The following LRRCC1 variants were observed in gnomAD, a reference collection of about 807,000 sequenced individuals.
LRRCC1 encodes leucine-rich repeat and coiled-coil domain-containing protein 1.
LRRCC1 carries 115 observed loss-of-function variants against 126.0 expected under a neutral mutation model. The observed-to-expected ratio is 0.91, with a 90% CI of 0.78 to 1.07. The LOEUF (loss-of-function observed/expected upper bound fraction) is 1.07, where lower values mean the gene tolerates loss of function less well. Ranked by LOEUF, LRRCC1 falls within the 50% of genes least tolerant of loss-of-function variation. The pLI is 0.00. For synonymous variants in LRRCC1, 400 were observed against 393.4 expected (o/e 1.02, Z -0.20); for missense variants, 1,172 against 1,175.7 (o/e 1.00, Z 0.05).
In LRRCC1 at chr8:85,109,786, T is replaced by C; in HGVS notation, c.296T>C (p.Ile99Thr). 6.4e-7 allele frequency: 1 copy of C among 1,562,662 alleles called. No homozygotes were observed. Among genetic ancestry groups the C allele is most frequent in the South Asian group, 1.2e-5 (1 of 85,208 alleles). Reference protein sequence around the residue: ...LCTLNLSCNLITKVEGLEELI... With the variant: ...LCTLNLSCNLTTKVEGLEELI... The stretch of plus-strand genomic sequence containing the variant: ...ACATTAAATTTGTCCTGCAATTTGA[T>C]TACAAAAGTAGAAGGTTTGTAAGTG... The change falls in exon 2 of 19, where the codon ATT (isoleucine) becomes ACT (threonine). Residue 99 changes from isoleucine (I) to threonine (T), a missense_variant. Physicochemically the swap from Ile to Thr is moderately conservative, Grantham distance 89. Coordinates refer to ENST00000360375, the MANE Select transcript of LRRCC1 (RefSeq NM_033402.5).
At chr8:85,139,674 TA>T (rs1197510143) in intron 17 of LRRCC1, among the ~76,000 whole-genome samples, 1 of 152,212 alleles carries the variant, frequency 6.6e-6, no homozygotes, top group Non-Finnish European at 1.5e-5. Flanking sequence ...TTAAAAAATA[TA>T]ACTAGACTTG....
At position 85,110,109 on chromosome 8, in the gene LRRCC1, T is replaced by A. The variant is rs770054377; in HGVS notation, c.311-6T>A. 2.3e-5 allele frequency: 26 copies of A among 1,150,890 alleles called. No individual in the cohort carries two copies. Among genetic ancestry groups the A allele is most frequent in the Non-Finnish European group, 3.1e-5 (25 of 803,670 alleles). The allele number at this position is 1,150,890 out of a possible 1,614,324, so 71.3% of individuals were successfully genotyped here. ...GGCTTTATTTTATTTTACTTTTTTT[T>A]TTTAGGACTTGAAGAACTAATTAAT... On this transcript the variant is annotated splice_polypyrimidine_tract_variant and splice_region_variant and intron_variant, in intron 2 of 18. Transcript: ENST00000360375.
In LRRCC1 at chr8:85,115,410, C is replaced by T. The variant is rs749900371; in HGVS notation, c.756C>T (p.Ile252=). The T allele has an allele frequency of 7.4e-6, 12 of 1,613,472 alleles. No individual in the cohort carries two copies. Among genetic ancestry groups the T allele is most frequent in the African/African-American group, 4.0e-5 (3 of 74,864 alleles). Residue 252 remains isoleucine (I), a synonymous_variant, in exon 6 of 19, where the codon ATC becomes ATT. Coordinates refer to ENST00000360375, the MANE Select transcript of LRRCC1 (RefSeq NM_033402.5). ...IDRMPVITAP[I]DELVPLEQFA... is the part of the protein sequence containing the mutation. ...GAATGCCAGTGATAACAGCACCTAT[C>T]GATGAGTTAGTTCCCTTGGAACAGT...
intron 4 of LRRCC1, among the ~76,000 whole-genome samples, chr8:85,114,606 C>T (rs1365434365): frequency 6.6e-6 from 1 of 151,962 alleles, no homozygotes; most frequent in Non-Finnish European, 1.5e-5. Flanking sequence ...TGATAGTTCA[C>T]CTGCTTTAAT....
chr8:85,135,547 A>G (rs900271547), intron 13 of LRRCC1, among the ~76,000 whole-genome samples: 1 of 152,138 alleles, frequency 6.6e-6, no homozygotes, highest in African/African-American at 2.4e-5. Context: ...TATTACAGGT[A>G]TAGTTTCTCT....
At chr8:85,112,859 C>A in intron 3 of LRRCC1, 73 bp from the exon 4 acceptor site, 2 of 1,125,708 alleles carry the variant, frequency 1.8e-6, no homozygotes, top group South Asian at 3.7e-5. Flanking sequence ...TATAACCTAT[C>A]TAGCAATTAT....
intron 18 of LRRCC1, among the ~76,000 whole-genome samples, chr8:85,141,734 C>T (rs1477942383): frequency 6.6e-6 from 1 of 152,120 alleles, no homozygotes; most frequent in East Asian, 1.9e-4. Flanking sequence ...AAAACTTGTA[C>T]ATTTGATTCT....
intron 12 of LRRCC1, among the ~76,000 whole-genome samples, chr8:85,133,471 C>T (rs147856731): frequency 8.5e-5 from 13 of 152,280 alleles, no homozygotes; most frequent in African/African-American, 2.9e-4. Context: ...CCAGCCTGGA[C>T]GTTTTGCAAG....
At chr8:85,125,689 A>AAAAAAAAAG (rs1809935807) in intron 8 of LRRCC1, among the ~76,000 whole-genome samples, 1 of 148,682 alleles carries the variant, frequency 6.7e-6, no homozygotes, top group Non-Finnish European at 1.5e-5. Flanking sequence ...AAAAAAAAAA[A>AAAAAAAAAG]GAGGTGTTCA....
At chr8:85,136,084 T>C in intron 14 of LRRCC1, 121 bp downstream of exon 14, 1 of 795,482 alleles carries the variant, frequency 1.3e-6, no homozygotes, top group South Asian at 3.9e-5. Flanking sequence ...TGACCCTTTA[T>C]CTGGAAGGAT....
intron 18 of LRRCC1, among the ~76,000 whole-genome samples, chr8:85,143,818 A>G (rs1003461612): frequency 6.6e-6 from 1 of 152,200 alleles, no homozygotes; most frequent in African/African-American, 2.4e-5. Flanking sequence ...AAGTAATATC[A>G]AAGGAAAGAG....
chr8:85,122,199 T>G (rs773198270), intron 6 of LRRCC1, among the ~76,000 whole-genome samples: 5 of 152,232 alleles, frequency 3.3e-5, no homozygotes, highest in African/African-American at 4.8e-5. Flanking sequence ...TGTCTCTCTT[T>G]GTTTACAGCA....
At chr8:85,125,158 T>C (rs1419987013) in intron 8 of LRRCC1, among the ~76,000 whole-genome samples, 1 of 152,230 alleles carries the variant, frequency 6.6e-6, no homozygotes, top group Non-Finnish European at 1.5e-5. Flanking sequence ...TGAAATCATT[T>C]GTTACATGCT....
chr8:85,124,024 C>T (rs1317040828), intron 7 of LRRCC1, among the ~76,000 whole-genome samples: 1 of 152,098 alleles, frequency 6.6e-6, no homozygotes, highest in Non-Finnish European at 1.5e-5. Flanking sequence ...AGCCTTTTCT[C>T]TCTTTGTAGG....
rs1406450179 is a variant in LRRCC1 at position 85,129,800 on chromosome 8, A to G, written c.1627-119A>G. 6 of 738,644 alleles carry G rather than the reference A, an allele frequency of 8.1e-6. No homozygotes were observed. In the South Asian group the frequency reaches 1.4e-4, roughly 18 times the overall value. The allele number at this position is 738,644 out of a possible 1,614,324, so 45.8% of individuals were successfully genotyped here. A position where few individuals can be genotyped will look rare whatever the true frequency, so the allele number is the denominator to read the frequency against. On this transcript the variant is annotated intron_variant, in intron 10 of 18. Coordinates refer to ENST00000360375, the MANE Select transcript of LRRCC1 (RefSeq NM_033402.5). Reference sequence around the variant, plus strand: ...GACTGTAACATCATTAATTTATTAAAGTTTGAAAATCAACTTAGTCACCGG... The same window carrying G: ...GACTGTAACATCATTAATTTATTAAGGTTTGAAAATCAACTTAGTCACCGG...
At chr8:85,140,946 A>G (rs1275934761) in intron 17 of LRRCC1, among the ~76,000 whole-genome samples, 1 of 152,022 alleles carries the variant, frequency 6.6e-6, no homozygotes, top group African/African-American at 2.4e-5. Context: ...ACATCCTGTA[A>G]TCTTAGTTAC....
At chr8:85,124,693 T>C in intron 7 of LRRCC1, 99 bp from the exon 8 acceptor site, 1 of 674,626 alleles carries the variant, frequency 1.5e-6, no homozygotes, top group Admixed American at 3.1e-5. Flanking sequence ...ATATTCTTTT[T>C]AAAAAGCTGT....
At chr8:85,116,138 A>G (rs1179398469) in intron 6 of LRRCC1, among the ~76,000 whole-genome samples, 2 of 152,160 alleles carry the variant, frequency 1.3e-5, no homozygotes, top group African/African-American at 4.8e-5. Context: ...AACTATGTGT[A>G]TGAACTACAA....
chr8:85,135,066 T>C, intron 13 of LRRCC1, 34 bp downstream of exon 13: 1 of 1,405,760 alleles, frequency 7.1e-7, no homozygotes, highest in Non-Finnish European at 9.3e-7. Flanking sequence ...TTTTAAAATT[T>C]TTTTACATTA....
Sources: gnomAD v4.1 joint callset for allele counts (sites outside exome capture counted in the v4.1 genomes callset) on GRCh38, gnomAD v4.1.1 for gene constraint, MANE v1.5 for transcripts, NCBI Gene and HGNC (gene_info 2026-07-23, HGNC 2026-07-21) for gene names.